The following RPAP3 variants were observed in gnomAD, a reference collection of about 807,000 sequenced individuals.
RPAP3 encodes the protein RNA polymerase II-associated protein 3.
In RPAP3, 58 loss-of-function variants were observed where a neutral mutation model predicts 88.8. The observed-to-expected ratio is 0.65, with a 90% CI of 0.53 to 0.81. The LOEUF (loss-of-function observed/expected upper bound fraction) is 0.81, where lower values mean the gene tolerates loss of function less well. RPAP3 is among the 40% of genes least tolerant of loss of function. The pLI is 0.00. For missense variants in RPAP3, 751 were observed against 764.3 expected (o/e 0.98, Z 0.20); for synonymous variants, 255 against 259.9 (o/e 0.98, Z 0.18).
At chr12:47,681,624 T>C in intron 10 of RPAP3, 72 bp downstream of exon 10, 1 of 1,482,318 alleles carries the variant, frequency 6.7e-7, no homozygotes, top group East Asian at 2.3e-5. Flanking sequence ...ATGGGTAAGC[T>C]ACATGAATCT....
chr12:47,670,652 G>A (rs1406887205), intron 12 of RPAP3, among the ~76,000 whole-genome samples: 1 of 152,212 alleles, frequency 6.6e-6, no homozygotes, highest in Non-Finnish European at 1.5e-5. Context: ...ACACTGGCAT[G>A]AGGGAAGCCT....
At chr12:47,689,327 A>G in intron 6 of RPAP3, 132 bp from the exon 7 acceptor site, 1 of 513,894 alleles carries the variant, frequency 1.9e-6, no homozygotes, top group Non-Finnish European at 3.4e-6. Flanking sequence ...ACAAAGAAAT[A>G]CTATCATTAG....
intron 12 of RPAP3, among the ~76,000 whole-genome samples, chr12:47,676,087 A>G (rs1427356077): frequency 6.6e-6 from 1 of 152,232 alleles, no homozygotes; most frequent in Non-Finnish European, 1.5e-5. Context: ...CAGGATTAAG[A>G]AACTCACTCA....
intron 12 of RPAP3, among the ~76,000 whole-genome samples, chr12:47,675,544 A>G (rs918316340): frequency 6.6e-6 from 1 of 152,212 alleles, no homozygotes; most frequent in Admixed American, 6.5e-5. Context: ...AAAGGCATGG[A>G]GGAAGATCTA....
At chr12:47,664,682 T>G (rs1177877365) in intron 16 of RPAP3, 1 of 152,246 alleles carries the variant, frequency 6.6e-6, no homozygotes, top group African/African-American at 2.4e-5. Context: ...GGTCAGCCAG[T>G]CTGAAGAGCC....
chr12:47,673,994 A>G (rs73104111), intron 12 of RPAP3, among the ~76,000 whole-genome samples: 9,116 of 151,854 alleles, frequency 0.06, 347 homozygotes, highest in Middle Eastern at 0.12. Context: ...TTAAATTAAA[A>G]TACTCACTTA....
At chr12:47,672,789 A>T (rs1021677909) in intron 12 of RPAP3, among the ~76,000 whole-genome samples, 13 of 152,166 alleles carry the variant, frequency 8.5e-5, no homozygotes, top group African/African-American at 3.1e-4. Flanking sequence ...TGCCATAGAG[A>T]TTTAAATTCA....
intron 1 of RPAP3, among the ~76,000 whole-genome samples, chr12:47,703,387 T>C (rs1394305180): frequency 1.3e-5 from 2 of 152,152 alleles, no homozygotes; most frequent in African/African-American, 4.8e-5. Context: ...GTCCTGTGCA[T>C]TGTAGGAGGG....
At chr12:47,696,156 G>T in intron 5 of RPAP3, 120 bp downstream of exon 5, 1 of 856,632 alleles carries the variant, frequency 1.2e-6, no homozygotes, top group Non-Finnish European at 1.6e-6. Flanking sequence ...ATTTACAGTT[G>T]AAAAGAAAAT....
intron 4 of RPAP3, among the ~76,000 whole-genome samples, chr12:47,697,233 CAAGTT>C (rs1225316780): frequency 6.6e-6 from 1 of 152,210 alleles, no homozygotes; most frequent in Non-Finnish European, 1.5e-5. Context: ...ACACTAATTT[CAAGTT>C]ACTTCAATCT....
chr12:47,675,932 C>A (rs1054126503), intron 12 of RPAP3, among the ~76,000 whole-genome samples: 3 of 152,210 alleles, frequency 2.0e-5, no homozygotes, highest in African/African-American at 7.2e-5. Context: ...CCTAAATCAA[C>A]AGAATATACA....
Position 47,690,536 on chromosome 12 carries a change from A to G in RPAP3, c.649T>C (p.Leu217=). Residue 217 remains leucine (L), a synonymous_variant, in exon 6 of 17, where the codon TTA becomes CTA. Coordinates refer to ENST00000005386, the MANE Select transcript of RPAP3 (RefSeq NM_024604.3). ...RGAARFALQK[L]EEAKKDYERV... is the part of the protein sequence containing the mutation. ...AAAATACCTTTTTTGGCCTCTTCTAATTTTTGCAAAGCAAATCGAGCAGCA... is the reference window on the plus strand; with the variant it reads ...AAAATACCTTTTTTGGCCTCTTCTAGTTTTTGCAAAGCAAATCGAGCAGCA... 1 of 1,601,942 alleles carries G rather than the reference A, an allele frequency of 6.2e-7. No individual in the cohort carries two copies. Among genetic ancestry groups the G allele is most frequent in the Admixed American group, 1.7e-5 (1 of 58,746 alleles).
intron 15 of RPAP3, 127 bp downstream of exon 15, chr12:47,667,627 G>A: frequency 1.8e-6 from 1 of 540,680 alleles, no homozygotes; most frequent in Admixed American, 3.4e-5. Flanking sequence ...TTTACCATAG[G>A]CCAATTGACA....
chr12:47,697,070 T>C (rs1939548010), intron 4 of RPAP3, among the ~76,000 whole-genome samples: 2 of 152,334 alleles, frequency 1.3e-5, no homozygotes, highest in South Asian at 4.1e-4. Flanking sequence ...CATCAAGAGT[T>C]TAATCTGAAA....
At chr12:47,698,619 T>C (rs1939584461) in intron 3 of RPAP3, among the ~76,000 whole-genome samples, 1 of 152,160 alleles carries the variant, frequency 6.6e-6, no homozygotes, top group African/African-American at 2.4e-5. Context: ...GCTCCAGCCA[T>C]CTTCCCACCT....
At chr12:47,683,547 A>T (rs1408022415) in intron 9 of RPAP3, among the ~76,000 whole-genome samples, 1 of 152,156 alleles carries the variant, frequency 6.6e-6, no homozygotes, top group Non-Finnish European at 1.5e-5. Context: ...AAACCCAACA[A>T]TTTTTCTAAA....
chr12:47,691,121 G>A (rs1565720844), intron 5 of RPAP3, among the ~76,000 whole-genome samples: 1 of 152,106 alleles, frequency 6.6e-6, no homozygotes, highest in Non-Finnish European at 1.5e-5. Context: ...GATGCTATTT[G>A]ATAGTATTTA....
chr12:47,669,100 G>A lies in RPAP3; in HGVS notation c.1529C>T (p.Pro510Leu). Residue 510 changes from proline to leucine, a missense_variant and splice_region_variant, in exon 14 of 17, where the codon CCT (proline) becomes CTT (leucine). Physicochemically the swap from Pro to Leu is moderately conservative, Grantham distance 98. Coordinates refer to ENST00000005386, the MANE Select transcript of RPAP3 (RefSeq NM_024604.3). Reference sequence around the variant, plus strand: ...TACATCCTGCTTCAAACTGGCTTGAGGTCTGAAATATTTCAGAGGTATCAA... The same window carrying A: ...TACATCCTGCTTCAAACTGGCTTGAAGTCTGAAATATTTCAGAGGTATCAA... ...EEVSDTSSLQPQASLKQDVCQ... is the reference protein window; with the variant it reads ...EEVSDTSSLQLQASLKQDVCQ... The A allele has an allele frequency of 6.2e-7, 1 of 1,609,036 alleles. No homozygotes were observed. Among genetic ancestry groups the A allele is most frequent in the South Asian group, 1.1e-5 (1 of 90,734 alleles).
At chr12:47,695,838 C>T (rs953309984) in intron 5 of RPAP3, 1 of 152,318 alleles carries the variant, frequency 6.6e-6, no homozygotes, top group East Asian at 1.9e-4. Flanking sequence ...CATTTATATT[C>T]TTCCACATTA....
Sources: allele counts gnomAD v4.1 joint callset (sites outside exome capture counted in the v4.1 genomes callset), GRCh38; gene constraint gnomAD v4.1.1; transcripts MANE v1.5; gene names NCBI Gene and HGNC (gene_info 2026-07-23, HGNC 2026-07-21).